SEZ6L: variants seen among roughly 807,000 people sequenced by gnomAD.
SEZ6L encodes the protein seizure 6-like protein.
In SEZ6L, 37 loss-of-function variants were observed where a neutral mutation model predicts 106.2. The ratio of observed to expected loss-of-function variants is 0.35; its 90% CI spans 0.27 to 0.46. The LOEUF (loss-of-function observed/expected upper bound fraction) is 0.46. Among genes scored for constraint, SEZ6L ranks in the 20% least tolerant of loss-of-function variants. The pLI, the probability that SEZ6L is intolerant of heterozygous loss-of-function variation, is 1.00. For synonymous variants in SEZ6L, 541 were observed against 570.4 expected (o/e 0.95, Z 0.73); for missense variants, 1,172 against 1,332.8 (o/e 0.88, Z 1.88).
chr22:26,360,472 G>A (rs2083579125), intron 12 of SEZ6L, among the ~76,000 whole-genome samples: 1 of 152,188 alleles, frequency 6.6e-6, no homozygotes, highest in South Asian at 2.1e-4. Flanking sequence ...ACAATGCCTG[G>A]CACACAGAAG....
chr22:26,198,056 G>T (rs1940694024), intron 1 of SEZ6L, among the ~76,000 whole-genome samples: 1 of 152,176 alleles, frequency 6.6e-6, no homozygotes, highest in Admixed American at 6.5e-5. Flanking sequence ...AGAAGCTACT[G>T]GTCTACCTAG....
chr22:26,269,390 G>T (rs1320873344), intron 1 of SEZ6L, among the ~76,000 whole-genome samples: 1 of 152,146 alleles, frequency 6.6e-6, no homozygotes, highest in Non-Finnish European at 1.5e-5. Context: ...CTGCTCTCTG[G>T]CAGGGGGTCA....
intron 11 of SEZ6L, among the ~76,000 whole-genome samples, chr22:26,349,892 A>G (rs181407525): frequency 8.6e-5 from 13 of 151,976 alleles, no homozygotes; most frequent in Admixed American, 8.5e-4. Context: ...TAATTGGTTT[A>G]TTGTTTTCCT....
At chr22:26,364,309 C>A (rs1299295428) in intron 12 of SEZ6L, among the ~76,000 whole-genome samples, 4 of 151,598 alleles carry the variant, frequency 2.6e-5, no homozygotes, top group Non-Finnish European at 5.9e-5. Flanking sequence ...CCTGCAGGTT[C>A]AACTCTCCAG....
chr22:26,300,740 A>G lies in SEZ6L; in HGVS notation c.1348+1571A>G, dbSNP rs193179748. ...CTGAGGAATCGCCACACTGACTTCC[A>G]CAATGGTTGAACTAGTTTACAGTCC... On this transcript the variant is annotated intron_variant, in intron 5 of 16. Coordinates refer to ENST00000248933, the MANE Select transcript of SEZ6L (RefSeq NM_021115.5). Among the ~76,000 whole-genome samples the G allele has an allele frequency of 7.7e-3, 1,176 of 152,354 alleles. 17 individuals are homozygous for G. Among genetic ancestry groups the G allele is most frequent in the African/African-American group, 0.027 (1,115 of 41,588 alleles).
intron 1 of SEZ6L, among the ~76,000 whole-genome samples, chr22:26,291,830 T>G (rs915068150): frequency 6.6e-6 from 1 of 152,198 alleles, no homozygotes; most frequent in Non-Finnish European, 1.5e-5. Context: ...TTTCCAAGCA[T>G]TCATCATATC....
chr22:26,198,519 T>C (rs1218432607), intron 1 of SEZ6L, among the ~76,000 whole-genome samples: 1 of 152,228 alleles, frequency 6.6e-6, no homozygotes, highest in Non-Finnish European at 1.5e-5. Flanking sequence ...GCTGATATGA[T>C]ACCAGCATAT....
chr22:26,254,653 C>G (rs1039620517), intron 1 of SEZ6L, among the ~76,000 whole-genome samples: 1 of 152,116 alleles, frequency 6.6e-6, no homozygotes, highest in African/African-American at 2.4e-5. Context: ...AAACACCCAA[C>G]AGAGTGCTGA....
At chr22:26,211,042 T>C (rs2078142925) in intron 1 of SEZ6L, among the ~76,000 whole-genome samples, 1 of 152,184 alleles carries the variant, frequency 6.6e-6, no homozygotes, top group Non-Finnish European at 1.5e-5. Context: ...ATCCGCATTT[T>C]TTGCCAGCCT....
intron 1 of SEZ6L, among the ~76,000 whole-genome samples, chr22:26,258,150 G>A (rs2079885092): frequency 6.6e-6 from 1 of 152,156 alleles, no homozygotes; most frequent in African/African-American, 2.4e-5. Context: ...AGAGACCAGA[G>A]GAGAAGGTAC....
intron 10 of SEZ6L, among the ~76,000 whole-genome samples, chr22:26,346,532 A>C (rs1457614239): frequency 6.6e-6 from 1 of 152,240 alleles, no homozygotes; most frequent in Non-Finnish European, 1.5e-5. Flanking sequence ...TCTCTGGGTT[A>C]AAAATTCAGG....
intron 13 of SEZ6L, among the ~76,000 whole-genome samples, chr22:26,370,588 C>T (rs2083997238): frequency 1.3e-5 from 2 of 152,026 alleles, no homozygotes; most frequent in African/African-American, 4.8e-5. Flanking sequence ...TTTCTTTCTT[C>T]TCCAGAAGCC....
intron 1 of SEZ6L, among the ~76,000 whole-genome samples, chr22:26,188,832 G>T (rs913625082): frequency 3.9e-5 from 6 of 152,132 alleles, no homozygotes; most frequent in Non-Finnish European, 7.3e-5. Context: ...GAATCTAAGG[G>T]CCAGCATCAG....
At chr22:26,348,646 A>AAAGAAAG (rs2083123824) in intron 11 of SEZ6L, among the ~76,000 whole-genome samples, 1 of 7,696 alleles carries the variant, frequency 1.3e-4, no homozygotes, top group African/African-American at 7.9e-4. Flanking sequence ...GAAAGAAAGA[A>AAAGAAAG]AAAGAAAGAA....
chr22:26,294,859 T>TTCTTTC (rs1569449935), intron 3 of SEZ6L, among the ~76,000 whole-genome samples: 35 of 140,780 alleles, frequency 2.5e-4, no homozygotes, highest in East Asian at 6.0e-4. Context: ...GCTTTCTTGC[T>TTCTTTC]TCTTTCTCTT....
chr22:26,304,384 G>GAA (rs1188838167), intron 5 of SEZ6L, among the ~76,000 whole-genome samples: 1 of 98,596 alleles, frequency 1.0e-5, no homozygotes, highest in African/African-American at 4.3e-5. Flanking sequence ...AAGAAAGAAA[G>GAA]AAAGAAAGAA....
intron 1 of SEZ6L, among the ~76,000 whole-genome samples, chr22:26,287,533 A>G (rs888773173): frequency 2.0e-5 from 3 of 152,214 alleles, no homozygotes; most frequent in Non-Finnish European, 4.4e-5. Flanking sequence ...CGGTCATCGG[A>G]CACCAAGAAA....
chr22:26,171,935 C>T (rs11913010), intron 1 of SEZ6L, among the ~76,000 whole-genome samples: 3,373 of 151,966 alleles, frequency 0.022, 121 homozygotes, highest in African/African-American at 0.076. Context: ...CTCGTTGTTG[C>T]GAACTAGTTC....
At chr22:26,192,654 G>C (rs190023917) in intron 1 of SEZ6L, among the ~76,000 whole-genome samples, 1 of 152,244 alleles carries the variant, frequency 6.6e-6, no homozygotes, top group East Asian at 1.9e-4. Context: ...TTTTGGAGCC[G>C]ATATATTACT....
Sources: allele counts gnomAD v4.1 joint callset (sites outside exome capture counted in the v4.1 genomes callset), GRCh38; gene constraint gnomAD v4.1.1; transcripts MANE v1.5; gene names NCBI Gene and HGNC (gene_info 2026-07-23, HGNC 2026-07-21).